ITSN2: variants seen among roughly 807,000 people sequenced by gnomAD.
ITSN2 encodes the protein intersectin 2.
ITSN2 carries 156 observed loss-of-function variants against 243.7 expected under a neutral mutation model. The ratio of observed to expected loss-of-function variants is 0.64; its 90% confidence interval spans 0.56 to 0.73. The LOEUF is 0.73. ITSN2 is among the 30% of genes least tolerant of loss of function. ITSN2 has a pLI of 0.00. For missense variants in ITSN2, 1,801 were observed against 1,996.1 expected (o/e 0.90, Z 1.86); for synonymous variants, 703 against 699.9 (o/e 1.00, Z -0.07).
intron 8 of ITSN2, among the ~76,000 whole-genome samples, chr2:24,305,576 C>CAAAAAAAAAAAAAAAAA (rs537945691): frequency 1.5e-4 from 6 of 40,904 alleles, no homozygotes; most frequent in African/African-American, 3.4e-4. Flanking sequence ...GACTCTGTCT[C>CAAAAAAAAAAAAAAAAA]AAAAAAAAAA....
At chr2:24,337,570 T>C (rs1241202242) in intron 1 of ITSN2, among the ~76,000 whole-genome samples, 1 of 149,856 alleles carries the variant, frequency 6.7e-6, no homozygotes, top group Non-Finnish European at 1.5e-5. Flanking sequence ...CAGGCTGGTC[T>C]TGAACTCCTG....
intron 18 of ITSN2, 67 bp from the exon 19 acceptor site, chr2:24,272,008 TA>T: frequency 7.9e-7 from 1 of 1,260,174 alleles, no homozygotes; most frequent in Non-Finnish European, 1.1e-6. Flanking sequence ...AAAAACATAC[TA>T]AGATCTGGTT....
Position 24,310,575 on chromosome 2 carries a change from G to A in ITSN2, c.470C>T (p.Pro157Leu). 1 of 1,614,138 alleles carries A rather than the reference G, an allele frequency of 6.2e-7. No individual in the cohort carries two copies. The highest frequency in any genetic ancestry group is 1.1e-5 in the South Asian group (1 of 91,082). Residue 157 changes from proline to leucine, a missense_variant, in exon 6 of 40, where the codon CCC (proline) becomes CTC (leucine). Pro to Leu is a moderately conservative substitution (Grantham distance 98). Around this residue, in one of 5 missense-constraint regions of ITSN2, gnomAD observed 787 missense variants for 803.9 expected, o/e 0.98. Transcript: ENST00000355123. ...TGATGTGCTAACAGAAGGCACTAGG[G>A]GAGTGGGCATCATTAAGGGAGGAAG... ...TNLPPLMMPT[P>L]LVPSVSTSSL... is the part of the protein sequence containing the mutation.
At chr2:24,246,346 C>A in intron 28 of ITSN2, 26 bp from the exon 29 acceptor site, 1 of 1,419,308 alleles carries the variant, frequency 7.0e-7, no homozygotes, top group Non-Finnish European at 9.8e-7. Context: ...CAAAATAACA[C>A]ATTAAACAAA....
intron 22 of ITSN2, among the ~76,000 whole-genome samples, chr2:24,260,828 A>G (rs902150518): frequency 2.0e-5 from 3 of 148,574 alleles, no homozygotes; most frequent in Non-Finnish European, 4.4e-5. Flanking sequence ...CTCTTCAACC[A>G]GGGAGCCGGA....
At chr2:24,250,337 C>T (rs1290269913) in intron 25 of ITSN2, among the ~76,000 whole-genome samples, 1 of 152,178 alleles carries the variant, frequency 6.6e-6, no homozygotes, top group Non-Finnish European at 1.5e-5. Flanking sequence ...TCAAGGAAAA[C>T]AGCTGGCAGG....
chr2:24,216,094 T>A lies in ITSN2; in HGVS notation c.3945A>T (p.Leu1315Phe). 1 of 1,611,936 alleles carries A rather than the reference T, an allele frequency of 6.2e-7. No individual in the cohort carries two copies. The highest frequency in any genetic ancestry group is 1.1e-5 in the South Asian group (1 of 90,756). The change falls in exon 32 of 40, where the codon TTA becomes TTT. Residue 1315 changes from leucine (L) to phenylalanine (F), a missense_variant. Transcript: ENST00000355123. Reference sequence around the variant, plus strand: ...CTGTGTCTTCATCTGTCTTCTGCTGTAACAGAGCTGCTCCATTAAGCTGGC... The same window carrying A: ...CTGTGTCTTCATCTGTCTTCTGCTGAAACAGAGCTGCTCCATTAAGCTGGC... ...CSCQLNGAAL[L>F]QQKTDEDTDF...
At chr2:24,333,499 G>GT (rs1205821086) in intron 1 of ITSN2, among the ~76,000 whole-genome samples, 1 of 152,208 alleles carries the variant, frequency 6.6e-6, no homozygotes. Flanking sequence ...ATGAAATGTA[G>GT]TGACAGGCAA....
intron 13 of ITSN2, among the ~76,000 whole-genome samples, chr2:24,297,382 A>G (rs1681104181): frequency 6.6e-6 from 1 of 152,138 alleles, no homozygotes; most frequent in South Asian, 2.1e-4. Flanking sequence ...CCTTCTCACC[A>G]CACATTTCAA....
chr2:24,308,664 C>T lies in ITSN2; in HGVS notation c.746G>A (p.Arg249Gln), dbSNP rs185661764. The T allele has an allele frequency of 2.1e-5, 33 of 1,537,420 alleles. No homozygotes were observed. The East Asian group carries it at 2.6e-4, about 12-fold the overall frequency. ...TTTGTCAAGAGTATTAAATTTTTGC[C>T]GATATTTTAATCTTGTAGGCTGAGG... The part of the protein sequence containing the change: ...AVPQPTRLKY[R>Q]QKFNTLDKSM... The change falls in exon 8 of 40, where the codon CGG becomes CAG. Residue 249 changes from arginine (R) to glutamine (Q), a missense_variant. Coordinates refer to ENST00000355123, the MANE Select transcript of ITSN2 (RefSeq NM_006277.3).
chr2:24,315,204 T>C lies in ITSN2; in HGVS notation c.52A>G (p.Ile18Val), dbSNP rs140770063. The change falls in exon 3 of 40, where the codon ATT becomes GTT. Residue 18 changes from isoleucine to valine, a missense_variant. Around this residue, in one of 5 missense-constraint regions of ITSN2, gnomAD observed 77 missense variants for 90.1 expected, o/e 0.85. Transcript: ENST00000355123. ...AMNGGPNMWA[I>V]TSEERTKHDR... ...TGCTTAGTACGTTCTTCAGAGGTAA[T>C]AGCCCACATGTTTGGCCCTCCTGAA... 4.4e-5 allele frequency: 71 copies of C among 1,611,562 alleles called. 1 individual carries two copies. The highest frequency in any genetic ancestry group is 3.2e-4 in the South Asian group (29 of 90,874).
At chr2:24,208,111 G>T in intron 37 of ITSN2, 126 bp downstream of exon 37, 1 of 832,490 alleles carries the variant, frequency 1.2e-6, no homozygotes, top group South Asian at 1.5e-5. Context: ...GGGCTCTCTG[G>T]TCTGATCCCG....
intron 37 of ITSN2, 35 bp downstream of exon 37, chr2:24,208,202 G>A (rs1197322460): frequency 1.9e-6 from 3 of 1,569,384 alleles, no homozygotes; most frequent in East Asian, 2.2e-5. Flanking sequence ...TAGGGCCCCT[G>A]GGGGCTGCGT....
At position 24,260,835 on chromosome 2, in the gene ITSN2, C is replaced by T. The variant is rs867070688; in HGVS notation, c.2682+271G>A. Among the ~76,000 whole-genome samples the T allele has an allele frequency of 4.3e-5, 6 of 141,088 alleles. No homozygotes were observed. In the Middle Eastern group the frequency reaches 0.012, roughly 292 times the overall value. 92.6% of individuals were successfully genotyped at this position (141,088 alleles called of 152,430 possible). The stretch of plus-strand genomic sequence containing the variant: ...AGGAGAATCTCTTCAACCAGGGAGC[C>T]GGAGGTTGCAGTGAGCCGAGACTGC... On this transcript the variant is annotated intron_variant, in intron 22 of 39. Transcript: ENST00000355123.
chr2:24,238,960 A>T (rs1672454027), intron 29 of ITSN2: 1 of 152,300 alleles, frequency 6.6e-6, no homozygotes, highest in Admixed American at 6.5e-5. Flanking sequence ...TAATAAACAC[A>T]CTTGCATAGT....
intron 2 of ITSN2, among the ~76,000 whole-genome samples, chr2:24,324,423 C>T (rs1171083843): frequency 6.6e-6 from 1 of 152,004 alleles, no homozygotes; most frequent in Non-Finnish European, 1.5e-5. Flanking sequence ...TTACTATCTC[C>T]TGACATTTCC....
intron 2 of ITSN2, among the ~76,000 whole-genome samples, chr2:24,323,062 C>G (rs1376971510): frequency 6.6e-6 from 1 of 151,614 alleles, no homozygotes; most frequent in African/African-American, 2.4e-5. Flanking sequence ...AAAAACAACA[C>G]GGAGTGCTGA....
At chr2:24,254,579 CTT>C (rs1328376925) in intron 23 of ITSN2, 148 bp from the exon 24 acceptor site, 5 of 511,344 alleles carry the variant, frequency 9.8e-6, no homozygotes, top group Non-Finnish European at 1.7e-5. Flanking sequence ...ACTGGGAAGA[CTT>C]ATACACAACA....
rs1215976348 is a variant in ITSN2 at position 24,246,222 on chromosome 2, GATC to G, written c.3481_3483del (p.Asp1161del). On this transcript the variant is annotated inframe_deletion, in exon 29 of 40. Transcript: ENST00000355123. ...TTGATCTCTCCTTGCCACCAATCAGGATCATCTTTGTTCATAACATTAATGAGT... is the reference window on the plus strand; with the variant it reads ...TTGATCTCTCCTTGCCACCAATCAGGATCTTTGTTCATAACATTAATGAGT... 4 of 1,612,942 alleles carry G rather than the reference GATC, an allele frequency of 2.5e-6. No individual in the cohort carries two copies. Among genetic ancestry groups the G allele is most frequent in the Non-Finnish European group, 3.4e-6 (4 of 1,179,026 alleles).
Sources: gnomAD v4.1 joint callset for allele counts (sites outside exome capture counted in the v4.1 genomes callset) on GRCh38, gnomAD v4.1.1 for gene constraint, gnomAD v4.1.1 regional missense constraint, MANE v1.5 for transcripts, NCBI Gene and HGNC (gene_info 2026-07-23, HGNC 2026-07-21) for gene names.